RSPO2: variants seen among roughly 807,000 people sequenced by gnomAD.
The protein encoded by RSPO2 is R-spondin-2.
A neutral mutation model predicts 30.9 loss-of-function variants in RSPO2; 14 were observed. The observed-to-expected ratio is 0.45, with a 90% CI of 0.30 to 0.71. The LOEUF is 0.71. Ranked by LOEUF, RSPO2 falls within the 30% of genes least tolerant of loss-of-function variation. The probability of loss-of-function intolerance (pLI) is 0.08; values close to 1 mark genes in which losing one functional copy is unlikely to be tolerated. For synonymous variants in RSPO2, 107 were observed against 96.4 expected (o/e 1.11, Z -0.64); for missense variants, 264 against 301.9 (o/e 0.87, Z 0.93).
At chr8:108,057,437 T>C (rs1043623648) in intron 2 of RSPO2, among the ~76,000 whole-genome samples, 4 of 152,148 alleles carry the variant, frequency 2.6e-5, no homozygotes, top group Admixed American at 2.0e-4. Context: ...TTTGGGCTTA[T>C]ATTCATTTTT....
chr8:108,046,045 G>A (rs886627670), intron 2 of RSPO2, among the ~76,000 whole-genome samples: 7 of 152,076 alleles, frequency 4.6e-5, no homozygotes, highest in African/African-American at 1.7e-4. Context: ...AAAAAGCCAA[G>A]ACAGGTATTG....
Position 107,980,673 on chromosome 8 carries a change from C to A in RSPO2, c.283+8383G>T, listed in dbSNP as rs75259352. Among the ~76,000 whole-genome samples the A allele has an allele frequency of 4.2e-3, 636 of 152,308 alleles. 3 individuals carry two copies. The highest frequency in any genetic ancestry group is 0.011 in the African/African-American group (473 of 41,558). Reference sequence around the variant, plus strand: ...GGTCTTGTCACTGGTCCTTTCACCCCTCATGCTCATGCATTTCCTCTAAAC... The same window carrying A: ...GGTCTTGTCACTGGTCCTTTCACCCATCATGCTCATGCATTTCCTCTAAAC... On this transcript the variant is annotated intron_variant, in intron 3 of 5. Transcript: ENST00000276659.
intron 5 of RSPO2, among the ~76,000 whole-genome samples, chr8:107,902,079 A>G (rs1459124494): frequency 5.9e-5 from 9 of 152,200 alleles, no homozygotes; most frequent in Non-Finnish European, 1.3e-4. Context: ...AGAAAAAAGA[A>G]TAAAGAACAT....
At chr8:108,013,775 C>A (rs781251317) in intron 2 of RSPO2, among the ~76,000 whole-genome samples, 16 of 152,178 alleles carry the variant, frequency 1.1e-4, no homozygotes, top group Non-Finnish European at 1.9e-4. Flanking sequence ...CAATACCATT[C>A]AGGACATAGG....
At chr8:108,009,081 A>G (rs1372674356) in intron 2 of RSPO2, among the ~76,000 whole-genome samples, 3 of 152,160 alleles carry the variant, frequency 2.0e-5, no homozygotes, top group Non-Finnish European at 4.4e-5. Context: ...CATAAAATTA[A>G]CGTTTAAGGG....
At chr8:107,928,246 A>G (rs955567869) in intron 5 of RSPO2, among the ~76,000 whole-genome samples, 5 of 152,176 alleles carry the variant, frequency 3.3e-5, no homozygotes, top group Admixed American at 1.3e-4. Flanking sequence ...TATAATCTCT[A>G]CATTCCTTAA....
At chr8:108,079,400 T>A (rs1349117163) in intron 2 of RSPO2, among the ~76,000 whole-genome samples, 1 of 152,154 alleles carries the variant, frequency 6.6e-6, no homozygotes, top group Non-Finnish European at 1.5e-5. Flanking sequence ...TTGTTCGTGA[T>A]GATCTCCCCC....
intron 4 of RSPO2, among the ~76,000 whole-genome samples, chr8:107,959,394 G>A (rs1813547161): frequency 6.6e-6 from 1 of 152,174 alleles, no homozygotes; most frequent in South Asian, 2.1e-4. Flanking sequence ...CCAGGGGAGG[G>A]AGAGGAGGAA....
chr8:108,058,066 G>T (rs565103357), intron 2 of RSPO2, among the ~76,000 whole-genome samples: 1 of 152,174 alleles, frequency 6.6e-6, no homozygotes, highest in African/African-American at 2.4e-5. Flanking sequence ...TTTTCAAAGG[G>T]AATGCTTCCA....
intron 2 of RSPO2, among the ~76,000 whole-genome samples, chr8:108,014,699 T>TG (rs560979544): frequency 1.3e-5 from 2 of 148,824 alleles, no homozygotes; most frequent in Non-Finnish European, 3.0e-5. Context: ...TGTCAGGTGG[T>TG]GGGGGGGCTA....
At chr8:108,021,018 G>T (rs960948489) in intron 2 of RSPO2, among the ~76,000 whole-genome samples, 11 of 152,068 alleles carry the variant, frequency 7.2e-5, no homozygotes, top group Non-Finnish European at 1.6e-4. Flanking sequence ...CTTTCAGTTA[G>T]CAAGTTTTAG....
intron 2 of RSPO2, among the ~76,000 whole-genome samples, chr8:108,005,102 T>A (rs1815407198): frequency 6.6e-6 from 1 of 152,128 alleles, no homozygotes. Context: ...TTACAACATG[T>A]CTGTCTGGGC....
intron 5 of RSPO2, among the ~76,000 whole-genome samples, chr8:107,953,160 A>G (rs514848): frequency 0.54 from 81,422 of 152,054 alleles, 23,921 homozygotes; most frequent in East Asian, 0.7. Flanking sequence ...AAAACATGCC[A>G]GGCACAGAGC....
In RSPO2 at chr8:108,082,597, G is replaced by A. The variant is rs768096197; in HGVS notation, c.42C>T (p.Asn14=). The stretch of plus-strand genomic sequence containing the variant: ...CTTGGCAGTGGCTGTAATCCATGCA[G>A]TTCAGAATGATGAGGGCAAAGGAGA... ...RLFSFALIIL[N]CMDYSHCQGN... The change falls in exon 2 of 6, where the codon AAC becomes AAT. Residue 14 remains asparagine (N), a synonymous_variant. Transcript: ENST00000276659. 2 of 1,614,196 alleles carry A rather than the reference G, an allele frequency of 1.2e-6. No individual in the cohort carries two copies. Among genetic ancestry groups the A allele is most frequent in the Non-Finnish European group, 1.7e-6 (2 of 1,180,028 alleles).
At chr8:108,011,134 G>GAAAAAAAAAAAAAAAAAAAAAAAAA (rs66722934) in intron 2 of RSPO2, among the ~76,000 whole-genome samples, 1 of 100,462 alleles carries the variant, frequency 1.0e-5, no homozygotes, top group Non-Finnish European at 1.9e-5. Context: ...CTCCGTCCCA[G>GAAAAAAAAAAAAAAAAAAAAAAAAA]AAAAAAAAAA....
chr8:107,934,519 T>C (rs1021448688), intron 5 of RSPO2, among the ~76,000 whole-genome samples: 5 of 152,102 alleles, frequency 3.3e-5, no homozygotes, highest in Admixed American at 2.6e-4. Flanking sequence ...ATTACAGGCA[T>C]GTGCCACCAC....
intron 2 of RSPO2, among the ~76,000 whole-genome samples, chr8:108,060,061 T>C (rs982382588): frequency 1.3e-5 from 2 of 151,632 alleles, no homozygotes; most frequent in East Asian, 1.9e-4. Flanking sequence ...GGTTCCAAGA[T>C]GGCCAAATAG....
At chr8:107,997,503 A>G (rs1266235121) in intron 2 of RSPO2, among the ~76,000 whole-genome samples, 1 of 152,194 alleles carries the variant, frequency 6.6e-6, no homozygotes, top group African/African-American at 2.4e-5. Flanking sequence ...CCAAAATTCT[A>G]AAGATGAAAT....
intron 3 of RSPO2, among the ~76,000 whole-genome samples, chr8:107,986,747 A>T (rs1196626458): frequency 1.3e-5 from 2 of 152,102 alleles, no homozygotes; most frequent in African/African-American, 4.8e-5. Context: ...CTATCCATCT[A>T]CACTCTTGCC....
Sources: gnomAD v4.1 joint callset for allele counts (sites outside exome capture counted in the v4.1 genomes callset) on GRCh38, gnomAD v4.1.1 for gene constraint, MANE v1.5 for transcripts, NCBI Gene and HGNC (gene_info 2026-07-23, HGNC 2026-07-21) for gene names.